Variants in PARD3B observed in about 807,000 individuals in gnomAD.
PARD3B encodes the protein partitioning defective 3 homolog B.
A neutral mutation model predicts 130.2 loss-of-function variants in PARD3B; 103 were observed. The ratio of observed to expected loss-of-function variants is 0.79; its 90% CI spans 0.67 to 0.93. The LOEUF is 0.93. PARD3B is among the 40% of genes least tolerant of loss of function. The pLI is 0.00. For missense variants in PARD3B, 1,609 were observed against 1,499.2 expected (o/e 1.07, Z -1.21); for synonymous variants, 583 against 553.2 (o/e 1.05, Z -0.76).
intron 18 of PARD3B, among the ~76,000 whole-genome samples, chr2:205,303,451 C>T (rs775215818): frequency 3.3e-5 from 5 of 152,128 alleles, no homozygotes; most frequent in Non-Finnish European, 1.5e-5. Flanking sequence ...CTCCTTACCC[C>T]GGCTGGTAGA....
intron 2 of PARD3B, among the ~76,000 whole-genome samples, chr2:204,848,363 A>G (rs972935524): frequency 2.6e-5 from 4 of 152,114 alleles, no homozygotes; most frequent in Non-Finnish European, 4.4e-5. Flanking sequence ...TAATTTGACA[A>G]TTATTATCAG....
chr2:204,848,987 T>C (rs2044589376), intron 2 of PARD3B, among the ~76,000 whole-genome samples: 1 of 152,152 alleles, frequency 6.6e-6, no homozygotes, highest in African/African-American at 2.4e-5. Flanking sequence ...TTGTTAAGAT[T>C]CTTTAAGTTG....
At chr2:205,200,212 T>C (rs1237131232) in intron 15 of PARD3B, among the ~76,000 whole-genome samples, 1 of 152,198 alleles carries the variant, frequency 6.6e-6, no homozygotes, top group African/African-American at 2.4e-5. Flanking sequence ...TGCTAATTAA[T>C]GTCTCATTGT....
At chr2:204,932,171 A>G (rs1688082869) in intron 2 of PARD3B, among the ~76,000 whole-genome samples, 1 of 152,126 alleles carries the variant, frequency 6.6e-6, no homozygotes, top group Non-Finnish European at 1.5e-5. Flanking sequence ...TAGAGGATTG[A>G]CACAAAAATT....
intron 1 of PARD3B, among the ~76,000 whole-genome samples, chr2:204,667,225 G>A (rs2036065754): frequency 6.6e-6 from 1 of 152,122 alleles, no homozygotes; most frequent in African/African-American, 2.4e-5. Flanking sequence ...TAAAAGCAGG[G>A]GCTGTGTTCC....
intron 20 of PARD3B, among the ~76,000 whole-genome samples, chr2:205,445,437 A>G (rs1170104713): frequency 6.6e-6 from 1 of 152,212 alleles, no homozygotes; most frequent in Non-Finnish European, 1.5e-5. Flanking sequence ...GGAGGCATCC[A>G]CAAACTTTCA....
chr2:205,520,402 G>A (rs2050989308), intron 21 of PARD3B, among the ~76,000 whole-genome samples: 1 of 152,130 alleles, frequency 6.6e-6, no homozygotes, highest in Admixed American at 6.5e-5. Context: ...CAGTCTAAGG[G>A]TAGCAAGGGT....
chr2:205,408,095 A>G lies in PARD3B; in HGVS notation c.2741+6972A>G, dbSNP rs545444498. The stretch of plus-strand genomic sequence containing the variant: ...GTGAAGCTAAGATTTAGGAAAGTTA[A>G]TCGGTTTCAGTGTCTGAATTCAAGG... On this transcript the variant is annotated intron_variant, in intron 19 of 22. Coordinates refer to ENST00000406610, the MANE Select transcript of PARD3B (RefSeq NM_001302769.2). Among the ~76,000 whole-genome samples, 21 of 152,306 alleles carry G rather than the reference A, an allele frequency of 1.4e-4. 1 individual carries two copies. In the East Asian group the frequency reaches 4.0e-3, roughly 29 times the overall value.
intron 2 of PARD3B, among the ~76,000 whole-genome samples, chr2:204,703,070 A>G (rs114937181): frequency 2.1e-4 from 32 of 152,320 alleles, no homozygotes; most frequent in African/African-American, 7.2e-4. Context: ...CTCATCGATT[A>G]TTTAAAATTA....
intron 18 of PARD3B, among the ~76,000 whole-genome samples, chr2:205,302,264 C>T (rs574628295): frequency 1.3e-5 from 2 of 151,654 alleles, no homozygotes; most frequent in East Asian, 2.0e-4. Context: ...AGTGGAGTTT[C>T]GCCATGTGGG....
At chr2:204,854,407 G>A (rs1157803217) in intron 2 of PARD3B, among the ~76,000 whole-genome samples, 1 of 152,130 alleles carries the variant, frequency 6.6e-6, no homozygotes, top group African/African-American at 2.4e-5. Context: ...AAAAATGAAG[G>A]AATCTAGTTT....
At chr2:204,712,950 C>T (rs1201087333) in intron 2 of PARD3B, among the ~76,000 whole-genome samples, 2 of 152,030 alleles carry the variant, frequency 1.3e-5, no homozygotes, top group African/African-American at 4.8e-5. Flanking sequence ...TTATTGTATG[C>T]ATTCTTCTGT....
intron 4 of PARD3B, among the ~76,000 whole-genome samples, chr2:205,059,977 T>C (rs1430937372): frequency 1.3e-5 from 2 of 152,066 alleles, no homozygotes; most frequent in African/African-American, 2.4e-5. Context: ...CTTTATTGCC[T>C]CCATTTTACA....
intron 11 of PARD3B, among the ~76,000 whole-genome samples, chr2:205,161,326 C>G (rs182562934): frequency 4.6e-5 from 7 of 152,228 alleles, no homozygotes; most frequent in Admixed American, 3.3e-4. Context: ...TGACACTGGT[C>G]TGCTGAGTCA....
At position 205,124,342 on chromosome 2, in the gene PARD3B, G is replaced by T. The variant is rs774394357; in HGVS notation, c.1181G>T (p.Gly394Val). The T allele has an allele frequency of 6.3e-7, 1 of 1,578,036 alleles. No homozygotes were observed. The highest frequency in any genetic ancestry group is 2.3e-5 in the East Asian group (1 of 43,442). Residue 394 changes from glycine to valine, a missense_variant, in exon 9 of 23, where the codon GGT (glycine) becomes GTT (valine). Physicochemically the swap from Gly to Val is moderately radical, Grantham distance 109. Coordinates refer to ENST00000406610, the MANE Select transcript of PARD3B (RefSeq NM_001302769.2). ...IDLKKGPEGL[G>V]FTVVTRDSSI... ...TATACACTAGGCCCTGAAGGACTTGGTTTCACTGTGGTTACCAGAGACTCT... is the reference window on the plus strand; with the variant it reads ...TATACACTAGGCCCTGAAGGACTTGTTTTCACTGTGGTTACCAGAGACTCT...
At chr2:205,084,774 T>C (rs74416784) in intron 4 of PARD3B, among the ~76,000 whole-genome samples, 3,791 of 152,086 alleles carry the variant, frequency 0.025, 146 homozygotes, top group African/African-American at 0.083. Flanking sequence ...ATGTAAGATG[T>C]GTATTTATGG....
Position 205,446,723 on chromosome 2 carries a change from G to A in PARD3B, c.3044+6051G>A, listed in dbSNP as rs986104844. 1.3e-5 allele frequency among the ~76,000 whole-genome samples: 2 copies of A among 152,144 alleles called. No individual in the cohort carries two copies. The highest frequency in any genetic ancestry group is 4.8e-5 in the African/African-American group (2 of 41,438). The stretch of plus-strand genomic sequence containing the variant: ...ACCACCAGGACAGAGACACGTGACT[G>A]GATTTTCACAATGCTGGTTCTTCCA... On this transcript the variant is annotated intron_variant, in intron 20 of 22. Transcript: ENST00000406610. This position sits in a 1 kb window ranked among gnomAD's most constrained non-coding sequence, Gnocchi z 4.4.
intron 21 of PARD3B, among the ~76,000 whole-genome samples, chr2:205,519,444 T>C (rs1189851328): frequency 1.3e-5 from 2 of 152,246 alleles, no homozygotes; most frequent in Non-Finnish European, 2.9e-5. Flanking sequence ...ATGTTCTTTT[T>C]TTGGACTGGC....
At chr2:204,754,701 G>C (rs1051778071) in intron 2 of PARD3B, among the ~76,000 whole-genome samples, 1 of 152,128 alleles carries the variant, frequency 6.6e-6, no homozygotes, top group Non-Finnish European at 1.5e-5. Context: ...GGCACAACAA[G>C]ATGGCTGCTA....
Sources: allele counts gnomAD v4.1 joint callset (sites outside exome capture counted in the v4.1 genomes callset), GRCh38; gene constraint gnomAD v4.1.1; non-coding constraint Gnocchi (gnomAD v3.1); transcripts MANE v1.5; gene names NCBI Gene and HGNC (gene_info 2026-07-23, HGNC 2026-07-21).